The following PXN variants were observed in gnomAD, a reference collection of about 807,000 sequenced individuals.
PXN encodes the protein testicular tissue protein Li 134.
A neutral mutation model predicts 103.6 loss-of-function variants in PXN; 61 were observed. That is an observed-to-expected ratio of 0.59 (90% CI 0.48 to 0.73). The LOEUF is 0.73. Among genes scored for constraint, PXN ranks in the 30% least tolerant of loss-of-function variants. PXN has a pLI of 0.00. For missense variants in PXN, 1,274 were observed against 1,460.3 expected, an observed-to-expected ratio of 0.87 and a Z score of 2.08; for synonymous variants, 562 against 607.8, an observed-to-expected ratio of 0.92 and a Z score of 1.11.
At chr12:120,238,119 C>T (rs772498355) in intron 1 of PXN, among the ~76,000 whole-genome samples, 1 of 152,120 alleles carries the variant, frequency 6.6e-6, no homozygotes, top group Non-Finnish European at 1.5e-5. Context: ...TGCAGAGTCA[C>T]GCTGGGAAAC....
Position 120,212,301 on chromosome 12 carries a change from A to G in PXN, c.*13T>C, listed in dbSNP as rs1243556182. 6 of 1,607,192 alleles carry G rather than the reference A, an allele frequency of 3.7e-6. No individual in the cohort carries two copies. In the Admixed American group the frequency reaches 1.0e-4, roughly 27 times the overall value. On this transcript the variant is annotated 3_prime_UTR_variant, in exon 15 of 15. Transcript: ENST00000637617. This position sits in a 1 kb window ranked among gnomAD's most constrained non-coding sequence, Gnocchi z 7.2. ...CTGGCTGGGGAAGGGGGGCAGAGAC[A>G]GGGGCAGGGCACCTAGCAGAAGAGC...
rs1432908206 is a variant in PXN, at chr12:120,222,566, G to C, written c.678C>G (p.Ser226Arg). The C allele has an allele frequency of 6.2e-7, 1 of 1,602,696 alleles. No individual in the cohort carries two copies. Among genetic ancestry groups the C allele is most frequent in the Admixed American group, 1.7e-5 (1 of 58,644 alleles). ...GTACTCACACGGGGCTGGGCACGGA[G>C]CTCTCCAGTTCATCCAAGAGACTCT... ...SVESLLDELESSVPSPVPAIT... is the reference protein window; with the variant it reads ...SVESLLDELERSVPSPVPAIT... Residue 226 changes from serine to arginine, a missense_variant, in exon 5 of 15, where the codon AGC becomes AGG. This residue lies in a region of PXN where 1,178 missense variants were observed against 1,309.0 expected (regional missense o/e 0.90). Transcript: ENST00000637617. The surrounding 1 kb of genome is among the most constrained non-coding windows in gnomAD (Gnocchi z 4.7).
At position 120,222,333 on chromosome 12, in the gene PXN, C is replaced by T. The variant is rs915694033; in HGVS notation, c.695+216G>A. 3.3e-5 allele frequency among the ~76,000 whole-genome samples: 5 copies of T among 152,346 alleles called. No individual in the cohort carries two copies. Among genetic ancestry groups the T allele is most frequent in the East Asian group, 1.9e-4 (1 of 5,176 alleles). ...GTGCTAAGAGCTGCTAAGCTCCAGG[C>T]GCCCTCAGCCTGCACAACGTCTGTC... On this transcript the variant is annotated intron_variant, in intron 5 of 14. Transcript: ENST00000637617. This position sits in a 1 kb window ranked among gnomAD's most constrained non-coding sequence, Gnocchi z 4.7.
rs765940568 is a variant in PXN, at chr12:120,222,976, G to A, written c.380C>T (p.Ala127Val). The A allele has an allele frequency of 1.4e-5, 22 of 1,613,976 alleles. 1 individual carries two copies. The Middle Eastern group carries it at 2.0e-3, about 145-fold the overall frequency. Residue 127 changes from alanine (A) to valine (V), a missense_variant, in exon 4 of 15, where the codon GCT becomes GTT. Ala to Val is a moderately conservative substitution (Grantham distance 64). This residue lies in a region of PXN where 1,178 missense variants were observed against 1,309.0 expected (regional missense o/e 0.90). Coordinates refer to ENST00000637617, the MANE Select transcript of PXN (RefSeq NM_001385981.1). This position sits in a 1 kb window ranked among gnomAD's most constrained non-coding sequence, Gnocchi z 4.7. The part of the protein sequence containing the change: ...VYSFPNKQKS[A>V]EPSPTVMSTS... ...GCTCATTACGGTGGGTGAAGGCTCA[G>A]CTGATTTCTGCTTGTTGGGGAAGCT...
In PXN at chr12:120,219,905, G is replaced by A. The variant is rs770028854; in HGVS notation, c.1018C>T (p.Leu340Phe). ...CAGCTGGGGGCTACAGGAGGTAGAA[G>A]GCCTCGTCCACTCTGCTCAGTACAA... ...FPCTEQSGRG[L>F]LPPVAPSWLD... is the part of the protein sequence containing the mutation. The change falls in exon 7 of 15, where the codon CTT becomes TTT. Residue 340 changes from leucine to phenylalanine, a missense_variant. Physicochemically the swap from Leu to Phe is conservative, Grantham distance 22. Coordinates refer to ENST00000637617, the MANE Select transcript of PXN (RefSeq NM_001385981.1). The surrounding 1 kb of genome is among the most constrained non-coding windows in gnomAD (Gnocchi z 6.5). 9 of 1,598,226 alleles carry A rather than the reference G, an allele frequency of 5.6e-6. No individual in the cohort carries two copies. The East Asian group carries it at 1.1e-4, about 20-fold the overall frequency.
In PXN at chr12:120,261,375, G is replaced by A. The variant is rs191945024; in HGVS notation, c.13+4242C>T. On this transcript the variant is annotated intron_variant, in intron 1 of 14. Transcript: ENST00000637617. ...CCAGCTAATTTTTGTATTTTTAGTA[G>A]AGATTGGGTTTCACCACATTGGCCA... 3.2e-3 allele frequency among the ~76,000 whole-genome samples: 484 copies of A among 152,210 alleles called. 3 individuals are homozygous for A. The highest frequency in any genetic ancestry group is 0.011 in the African/African-American group (465 of 41,500).
intron 3 of PXN, 85 bp downstream of exon 3, chr12:120,223,633 C>T (rs1040978904): frequency 2.8e-6 from 3 of 1,063,302 alleles, no homozygotes; most frequent in Admixed American, 2.4e-5. Flanking sequence ...TGCCTGCTCC[C>T]GGGCCTCCGC....
chr12:120,257,885 C>T (rs1893260734), intron 1 of PXN, among the ~76,000 whole-genome samples: 1 of 152,170 alleles, frequency 6.6e-6, no homozygotes. Context: ...AGAGACCGTT[C>T]CCTGAATTAT....
chr12:120,258,084 T>C (rs1276064760), intron 1 of PXN, among the ~76,000 whole-genome samples: 9 of 151,674 alleles, frequency 5.9e-5, no homozygotes, highest in East Asian at 1.9e-4. Flanking sequence ...TCCTAGCTAC[T>C]GCGGAGGCTG....
chr12:120,251,856 A>G (rs1373099788), intron 1 of PXN, among the ~76,000 whole-genome samples: 1 of 152,110 alleles, frequency 6.6e-6, no homozygotes, highest in Non-Finnish European at 1.5e-5. Flanking sequence ...TGCCAAGAGA[A>G]TGATACCAAA....
chr12:120,257,252 A>C (rs1423624542), intron 1 of PXN, among the ~76,000 whole-genome samples: 1 of 152,202 alleles, frequency 6.6e-6, no homozygotes, highest in Non-Finnish European at 1.5e-5. Context: ...GTTTCTGCCA[A>C]GCGAATTCTG....
chr12:120,257,400 G>GCCCTCGCTAGAAGACCTCATAGT (rs1244459820), intron 1 of PXN, among the ~76,000 whole-genome samples: 1 of 152,210 alleles, frequency 6.6e-6, no homozygotes, highest in Non-Finnish European at 1.5e-5. Flanking sequence ...GAAGCTCTGA[G>GCCCTCGCTAGAAGACCTCATAGT]CCCTCGCTAG....
At chr12:120,241,283 C>A (rs985002472) in intron 1 of PXN, among the ~76,000 whole-genome samples, 1 of 152,186 alleles carries the variant, frequency 6.6e-6, no homozygotes, top group African/African-American at 2.4e-5. Context: ...TCACCTCAAT[C>A]CCAGGTGATC....
chr12:120,222,965 G>A lies in PXN; in HGVS notation c.391C>T (p.Pro131Ser). 2 of 1,614,008 alleles carry A rather than the reference G, an allele frequency of 1.2e-6. No homozygotes were observed. Among genetic ancestry groups the A allele is most frequent in the Non-Finnish European group, 1.7e-6 (2 of 1,179,904 alleles). Residue 131 changes from proline (P) to serine (S), a missense_variant, in exon 4 of 15, where the codon CCC becomes TCC. By Grantham distance (74) the Pro-to-Ser change is moderately conservative (BLOSUM62 -1). Around this residue, in one of 2 missense-constraint regions of PXN, gnomAD observed 1,178 missense variants for 1,309.0 expected, o/e 0.90. Coordinates refer to ENST00000637617, the MANE Select transcript of PXN (RefSeq NM_001385981.1). This position sits in a 1 kb window ranked among gnomAD's most constrained non-coding sequence, Gnocchi z 4.7. ...PNKQKSAEPS[P>S]TVMSTSLGSN... The stretch of plus-strand genomic sequence containing the variant: ...CCCAGGGACGTGCTCATTACGGTGG[G>A]TGAAGGCTCAGCTGATTTCTGCTTG...
chr12:120,227,304 C>T (rs1042258365), intron 1 of PXN, among the ~76,000 whole-genome samples: 3 of 151,994 alleles, frequency 2.0e-5, no homozygotes, highest in Non-Finnish European at 4.4e-5. Context: ...AGTTGGAGAT[C>T]GGCTTGGGCA....
intron 1 of PXN, among the ~76,000 whole-genome samples, chr12:120,233,302 C>T (rs1321340493): frequency 2.0e-5 from 3 of 151,998 alleles, no homozygotes; most frequent in African/African-American, 7.2e-5. Context: ...GCATGGATAC[C>T]CTCATAGGCC....
intron 1 of PXN, among the ~76,000 whole-genome samples, chr12:120,259,994 G>A (rs1040759895): frequency 6.6e-6 from 1 of 152,174 alleles, no homozygotes; most frequent in Non-Finnish European, 1.5e-5. Flanking sequence ...GCGGGGCTGG[G>A]GGCACAGGAA....
At chr12:120,246,245 GGCTGGGCACAGTGGCTCAT>G (rs1452944466) in intron 1 of PXN, among the ~76,000 whole-genome samples, 1 of 151,066 alleles carries the variant, frequency 6.6e-6, no homozygotes, top group Non-Finnish European at 1.5e-5. Context: ...TAAAAAATTA[GGCTGGGCACAGTGGCTCAT>G]GCCTTTAATC....
chr12:120,257,579 C>G (rs1210347321), intron 1 of PXN, among the ~76,000 whole-genome samples: 2 of 152,210 alleles, frequency 1.3e-5, no homozygotes, highest in Non-Finnish European at 2.9e-5. Context: ...TGCCTCAGAG[C>G]CAAGAGGGCC....
Sources: allele counts gnomAD v4.1 joint callset (sites outside exome capture counted in the v4.1 genomes callset), GRCh38; gene constraint gnomAD v4.1.1; regional missense constraint gnomAD v4.1.1; non-coding constraint Gnocchi (gnomAD v3.1); transcripts MANE v1.5; gene names NCBI Gene and HGNC (gene_info 2026-07-23, HGNC 2026-07-21).